The following TRAF3IP2 variants were observed in gnomAD, a reference collection of about 807,000 sequenced individuals.
The protein encoded by TRAF3IP2 is E3 ubiquitin ligase TRAF3IP2.
TRAF3IP2 carries 35 observed loss-of-function variants against 57.9 expected under a neutral mutation model. The observed-to-expected ratio is 0.60, with a 90% confidence interval of 0.46 to 0.80. TRAF3IP2 has a LOEUF of 0.80. Ranked by LOEUF, TRAF3IP2 falls within the 30% of genes least tolerant of loss-of-function variation. The pLI, the probability that TRAF3IP2 is intolerant of heterozygous loss-of-function variation, is 0.00. For synonymous variants in TRAF3IP2, 251 were observed against 268.9 expected (o/e 0.93, Z 0.65); for missense variants, 556 against 706.4 (o/e 0.79, Z 2.41).
At position 111,556,813 on chromosome 6, in the gene TRAF3IP2, C is replaced by T. The variant is rs1219690709; in HGVS notation, c.*2592G>A. On this transcript the variant is annotated 3_prime_UTR_variant, in exon 9 of 9. Transcript: ENST00000368761. ...TATTTATAGTTGACAAGTATTTGTC[C>T]TTTCCCTGTGCTACATATAAGAGCT... is the stretch of plus-strand genomic sequence containing the variant. 2 of 152,116 alleles carry T rather than the reference C, an allele frequency of 1.3e-5. No homozygotes were observed. Among genetic ancestry groups the T allele is most frequent in the Non-Finnish European group, 2.9e-5 (2 of 68,026 alleles). 9.4% of individuals were successfully genotyped at this position (152,116 alleles called of 1,614,324 possible).
chr6:111,582,698 C>T (rs1250564216), intron 2 of TRAF3IP2, among the ~76,000 whole-genome samples: 1 of 152,144 alleles, frequency 6.6e-6, no homozygotes, highest in African/African-American at 2.4e-5. Flanking sequence ...GCCAGCCCTG[C>T]TTTTCAATGA....
At chr6:111,599,684 ACAGCG>A (rs973071637) in intron 1 of TRAF3IP2, among the ~76,000 whole-genome samples, 1 of 152,152 alleles carries the variant, frequency 6.6e-6, no homozygotes, top group Admixed American at 6.5e-5. Flanking sequence ...ATTAGTCTTC[ACAGCG>A]CTACCTTTCT....
chr6:111,589,107 T>G (rs1448007586), intron 2 of TRAF3IP2, among the ~76,000 whole-genome samples: 1 of 143,498 alleles, frequency 7.0e-6, no homozygotes, highest in Admixed American at 7.4e-5. Flanking sequence ...AGTCTCACTG[T>G]GTCATCGCCC....
chr6:111,591,462 T>G lies in TRAF3IP2; in HGVS notation c.625A>C (p.Ile209Leu), dbSNP rs997754649. 42 of 1,596,270 alleles carry G rather than the reference T, an allele frequency of 2.6e-5. No homozygotes were observed. Among genetic ancestry groups the G allele is most frequent in the Non-Finnish European group, 3.1e-5 (36 of 1,169,378 alleles). The change falls in exon 2 of 9, where the codon ATC becomes CTC. Residue 209 changes from isoleucine (I) to leucine (L), a missense_variant. Physicochemically the swap from Ile to Leu is conservative, Grantham distance 5. This residue lies in a region of TRAF3IP2 where 428 missense variants were observed against 498.7 expected (regional missense o/e 0.86). Transcript: ENST00000368761. The surrounding 1 kb of genome is among the most constrained non-coding windows in gnomAD (Gnocchi z 4.9). ...GGCAGGGGCCTTTCCAGCTGCCTGATGCCCAGGACATCCTGGGGCTGGGAA... is the reference window on the plus strand; with the variant it reads ...GGCAGGGGCCTTTCCAGCTGCCTGAGGCCCAGGACATCCTGGGGCTGGGAA... ...YDSQPQDVLG[I>L]RQLERPLPLT...
chr6:111,561,355 G>A (rs867056005), intron 8 of TRAF3IP2, among the ~76,000 whole-genome samples: 9 of 152,076 alleles, frequency 5.9e-5, no homozygotes, highest in Non-Finnish European at 8.8e-5. Flanking sequence ...CAGGAGAATC[G>A]CTTGAACCCT....
chr6:111,566,369 G>T, intron 7 of TRAF3IP2, 75 bp downstream of exon 7: 2 of 1,193,450 alleles, frequency 1.7e-6, no homozygotes, highest in Non-Finnish European at 2.5e-6. Flanking sequence ...GGTCTCTGGG[G>T]AAGAATGGGA....
chr6:111,602,971 A>C (rs2062157705), intron 1 of TRAF3IP2, among the ~76,000 whole-genome samples: 1 of 152,094 alleles, frequency 6.6e-6, no homozygotes, highest in Non-Finnish European at 1.5e-5. Flanking sequence ...CTTATCAGGG[A>C]ACCAAGCCAA....
At chr6:111,602,921 G>C (rs77710361) in intron 1 of TRAF3IP2, among the ~76,000 whole-genome samples, 6 of 152,062 alleles carry the variant, frequency 3.9e-5, no homozygotes, top group Non-Finnish European at 7.4e-5. Context: ...TGGGAGCTCC[G>C]GTCAGTCCTG....
At chr6:111,575,354 C>T (rs541607649) in intron 4 of TRAF3IP2, among the ~76,000 whole-genome samples, 33 of 151,956 alleles carry the variant, frequency 2.2e-4, no homozygotes, top group African/African-American at 7.2e-4. Flanking sequence ...TGTGGGAGGC[C>T]GAGGCAGGTG....
intron 1 of TRAF3IP2, chr6:111,601,986 A>G (rs565318259): frequency 6.6e-6 from 1 of 152,366 alleles, no homozygotes; most frequent in East Asian, 1.9e-4. Flanking sequence ...TTCAAACTCC[A>G]ATGAACAAAT....
chr6:111,596,558 A>C (rs1796697794), intron 1 of TRAF3IP2, among the ~76,000 whole-genome samples: 1 of 152,222 alleles, frequency 6.6e-6, no homozygotes, highest in South Asian at 2.1e-4. Flanking sequence ...GGTTCAAGCG[A>C]TTCTCATGCC....
intron 3 of TRAF3IP2, among the ~76,000 whole-genome samples, chr6:111,578,500 G>T (rs1796060435): frequency 6.6e-6 from 1 of 152,284 alleles, no homozygotes; most frequent in Admixed American, 6.5e-5. Flanking sequence ...AATTAGCTGG[G>T]TGTGGTAGCG....
intron 2 of TRAF3IP2, among the ~76,000 whole-genome samples, chr6:111,589,985 T>C (rs968621262): frequency 2.0e-5 from 3 of 152,206 alleles, no homozygotes; most frequent in African/African-American, 7.2e-5. Context: ...GTTTATTTGC[T>C]AAGAAAAATA....
rs1160128238 is a variant in TRAF3IP2, at chr6:111,557,083, G to C, written c.*2322C>G. 2 of 152,088 alleles carry C rather than the reference G, an allele frequency of 1.3e-5. No individual in the cohort carries two copies. Among genetic ancestry groups the C allele is most frequent in the Non-Finnish European group, 2.9e-5 (2 of 68,116 alleles). The allele number at this position is 152,088 out of a possible 1,614,324, so 9.4% of individuals were successfully genotyped here. ...GTCAAAGCTGCAGTGAGCTGAGACT[G>C]TGTCACTGTACTGCAGCCTGGGAAA... On this transcript the variant is annotated 3_prime_UTR_variant, in exon 9 of 9. Coordinates refer to ENST00000368761, the MANE Select transcript of TRAF3IP2 (RefSeq NM_147686.4).
chr6:111,570,106 A>G (rs888331037), intron 5 of TRAF3IP2, among the ~76,000 whole-genome samples: 32 of 152,220 alleles, frequency 2.1e-4, no homozygotes, highest in African/African-American at 6.8e-4. Context: ...ATAGAAGACG[A>G]GATTAGAACA....
chr6:111,580,311 C>T lies in TRAF3IP2; in HGVS notation c.908G>A (p.Ser303Asn). Residue 303 changes from serine to asparagine, a missense_variant, in exon 3 of 9, where the codon AGT (serine) becomes AAT (asparagine). Physicochemically the swap from Ser to Asn is conservative, Grantham distance 46 (BLOSUM62 1). Around this residue, in one of 2 missense-constraint regions of TRAF3IP2, gnomAD observed 428 missense variants for 498.7 expected, o/e 0.86. Transcript: ENST00000368761. ...ALPGQPLPGA[S>N]VRGLHPVQKV... The stretch of plus-strand genomic sequence containing the variant: ...CTGCACAGGGTGCAGGCCTCTCACA[C>T]TGGCTCCAGGCAGGGGCTGCCCAGG... 1 of 1,609,560 alleles carries T rather than the reference C, an allele frequency of 6.2e-7. No individual in the cohort carries two copies. Among genetic ancestry groups the T allele is most frequent in the South Asian group, 1.1e-5 (1 of 90,210 alleles).
At chr6:111,564,182 G>A (rs952670086) in intron 7 of TRAF3IP2, among the ~76,000 whole-genome samples, 5 of 149,274 alleles carry the variant, frequency 3.3e-5, no homozygotes, top group Middle Eastern at 3.2e-3. Flanking sequence ...ACACACACAC[G>A]ATCACACAAC....
intron 1 of TRAF3IP2, among the ~76,000 whole-genome samples, chr6:111,605,113 A>T (rs1423782486): frequency 2.0e-5 from 3 of 151,902 alleles, no homozygotes; most frequent in African/African-American, 7.2e-5. Flanking sequence ...CCCCTATTCT[A>T]AGATACCATC....
Position 111,557,302 on chromosome 6 carries a change from G to C in TRAF3IP2, c.*2103C>G, listed in dbSNP as rs1795270948. On this transcript the variant is annotated 3_prime_UTR_variant, in exon 9 of 9. Coordinates refer to ENST00000368761, the MANE Select transcript of TRAF3IP2 (RefSeq NM_147686.4). ...CCACCTTTATAGTTTACGTAGATTT[G>C]ATACATGTATACATATTTTATATAT... 1 of 151,598 alleles carries C rather than the reference G, an allele frequency of 6.6e-6. No homozygotes were observed. Among genetic ancestry groups the C allele is most frequent in the Non-Finnish European group, 1.5e-5 (1 of 67,976 alleles). The allele number at this position is 151,598 out of a possible 1,614,324, so 9.4% of individuals were successfully genotyped here. A position where few individuals can be genotyped will look rare whatever the true frequency, so the allele number is the denominator to read the frequency against.
Sources: gnomAD v4.1 joint callset for allele counts (sites outside exome capture counted in the v4.1 genomes callset) on GRCh38, gnomAD v4.1.1 for gene constraint, gnomAD v4.1.1 regional missense constraint, Gnocchi (gnomAD v3.1) non-coding constraint, MANE v1.5 for transcripts, NCBI Gene and HGNC (gene_info 2026-07-23, HGNC 2026-07-21) for gene names.